SLIT3: variants seen among roughly 807,000 people sequenced by gnomAD.
The protein encoded by SLIT3 is slit homolog 3 protein.
In SLIT3, 68 loss-of-function variants were observed where a neutral mutation model predicts 184.0. That is an observed-to-expected ratio of 0.37 (90% confidence interval 0.30 to 0.45). SLIT3 has a LOEUF of 0.45. Among genes scored for constraint, SLIT3 ranks in the 20% least tolerant of loss-of-function variants. SLIT3 has a pLI of 1.00. For synonymous variants in SLIT3, 831 were observed against 828.6 expected, an observed-to-expected ratio of 1.00 and a Z score of -0.05; for missense variants, 1,707 against 2,026.0, an observed-to-expected ratio of 0.84 and a Z score of 3.02.
chr5:168,870,024 C>T (rs1011278948), intron 5 of SLIT3, among the ~76,000 whole-genome samples: 1 of 152,194 alleles, frequency 6.6e-6, no homozygotes, highest in African/African-American at 2.4e-5. Context: ...GCACGGCAGG[C>T]GCTATGCATA....
At chr5:168,791,883 A>T (rs1000561134) in intron 10 of SLIT3, 8 of 152,202 alleles carry the variant, frequency 5.3e-5, no homozygotes, top group African/African-American at 1.2e-4. Context: ...CATCTGTGTC[A>T]TCTTCATCTC....
chr5:168,766,367 A>G (rs1755346081), intron 14 of SLIT3, among the ~76,000 whole-genome samples: 1 of 152,256 alleles, frequency 6.6e-6, no homozygotes, highest in Admixed American at 6.5e-5. Flanking sequence ...AGTGATGTGA[A>G]TAAGCAAAGG....
At chr5:168,786,826 C>T (rs1163495058) in intron 11 of SLIT3, among the ~76,000 whole-genome samples, 1 of 152,150 alleles carries the variant, frequency 6.6e-6, no homozygotes, top group Non-Finnish European at 1.5e-5. Flanking sequence ...TCTCTGCTCC[C>T]AACCACAGCA....
chr5:169,091,856 C>T (rs970340373), intron 4 of SLIT3, among the ~76,000 whole-genome samples: 5 of 152,210 alleles, frequency 3.3e-5, no homozygotes, highest in Non-Finnish European at 5.9e-5. Context: ...CAAGGTCCTT[C>T]TGGAAATCAC....
At chr5:169,163,141 T>A (rs967098507) in intron 4 of SLIT3, among the ~76,000 whole-genome samples, 6 of 151,828 alleles carry the variant, frequency 4.0e-5, no homozygotes, top group Admixed American at 1.3e-4. Flanking sequence ...GCCAACATAG[T>A]GAAACCCCGC....
chr5:168,907,944 G>C (rs60710357), intron 4 of SLIT3, among the ~76,000 whole-genome samples: 4 of 53,112 alleles, frequency 7.5e-5, no homozygotes, highest in Non-Finnish European at 1.4e-4. Context: ...TATTATACGT[G>C]TATATATATA....
At chr5:168,764,862 C>T (rs1173712705) in intron 14 of SLIT3, among the ~76,000 whole-genome samples, 2 of 152,228 alleles carry the variant, frequency 1.3e-5, no homozygotes, top group Non-Finnish European at 2.9e-5. Context: ...GGCTTGCCAG[C>T]TTCGTCCCTT....
At chr5:168,768,121 T>C (rs2113523158) in intron 14 of SLIT3, 1 of 481,904 alleles carries the variant, frequency 2.1e-6, no homozygotes, top group Non-Finnish European at 4.3e-6. Context: ...TGTCCAGCGG[T>C]GGTGGCGGCG....
chr5:169,026,126 G>A (rs1756813575), intron 4 of SLIT3, among the ~76,000 whole-genome samples: 1 of 152,126 alleles, frequency 6.6e-6, no homozygotes, highest in Admixed American at 6.5e-5. Flanking sequence ...TGGGTGTGGT[G>A]ACTCCCTGGC....
Position 168,707,963 on chromosome 5 carries a change from G to A in SLIT3, c.2844+13C>T, listed in dbSNP as rs774740839. 2.5e-6 allele frequency: 4 copies of A among 1,614,008 alleles called. No homozygotes were observed. In the East Asian group the frequency reaches 8.9e-5, roughly 36 times the overall value. On this transcript the variant is annotated intron_variant, in intron 26 of 35. Coordinates refer to ENST00000519560, the MANE Select transcript of SLIT3 (RefSeq NM_003062.4). ...TGAGGCATGAACACGGGGGGGCAGGGCCTCCAGCATACCTTGTAGCTGTAG... is the reference window on the plus strand; with the variant it reads ...TGAGGCATGAACACGGGGGGGCAGGACCTCCAGCATACCTTGTAGCTGTAG...
At chr5:168,701,746 C>G (rs1325831720) in intron 26 of SLIT3, among the ~76,000 whole-genome samples, 1 of 152,226 alleles carries the variant, frequency 6.6e-6, no homozygotes, top group Admixed American at 6.5e-5. Context: ...GTGACTGCTG[C>G]ATCCTTTCTG....
At chr5:168,903,582 G>A (rs967696476) in intron 4 of SLIT3, among the ~76,000 whole-genome samples, 2 of 152,148 alleles carry the variant, frequency 1.3e-5, no homozygotes, top group Admixed American at 1.3e-4. Context: ...GGACACCTGT[G>A]GGGGCATGGA....
intron 3 of SLIT3, among the ~76,000 whole-genome samples, chr5:169,233,796 T>TC (rs1451204377): frequency 6.6e-6 from 1 of 152,178 alleles, no homozygotes; most frequent in Non-Finnish European, 1.5e-5. Context: ...TCTCTCTCCT[T>TC]CCCTCCCTTT....
chr5:169,048,075 C>T (rs924595882), intron 4 of SLIT3, among the ~76,000 whole-genome samples: 1 of 152,142 alleles, frequency 6.6e-6, no homozygotes, highest in African/African-American at 2.4e-5. Flanking sequence ...ACTAATTGCC[C>T]CCAAACCTCA....
intron 4 of SLIT3, among the ~76,000 whole-genome samples, chr5:169,098,793 G>A (rs917255982): frequency 6.6e-6 from 1 of 152,200 alleles, no homozygotes; most frequent in African/African-American, 2.4e-5. Context: ...GCAAGAAGCA[G>A]GATTCACATT....
At chr5:168,896,622 T>C (rs1458614934) in intron 4 of SLIT3, among the ~76,000 whole-genome samples, 1 of 152,214 alleles carries the variant, frequency 6.6e-6, no homozygotes, top group Non-Finnish European at 1.5e-5. Flanking sequence ...TCTCGTGGAA[T>C]CTACCACAAT....
chr5:169,039,272 C>T (rs1038068378), intron 4 of SLIT3, among the ~76,000 whole-genome samples: 5 of 150,720 alleles, frequency 3.3e-5, no homozygotes, highest in South Asian at 2.1e-4. Flanking sequence ...TTTCAGGCTT[C>T]GGCATAACCA....
chr5:168,924,894 G>A (rs62377194), intron 4 of SLIT3, among the ~76,000 whole-genome samples: 3,796 of 152,246 alleles, frequency 0.025, 62 homozygotes, highest in Middle Eastern at 0.051. Context: ...GGACTCTGCA[G>A]AGCAGAGCGG....
intron 12 of SLIT3, among the ~76,000 whole-genome samples, chr5:168,775,038 AT>A (rs34335250): frequency 0.086 from 11,708 of 135,472 alleles, 486 homozygotes; most frequent in African/African-American, 0.13. Flanking sequence ...CCACCACTGC[AT>A]TTTTTTTTTT....
Sources: allele counts gnomAD v4.1 joint callset (sites outside exome capture counted in the v4.1 genomes callset), GRCh38; gene constraint gnomAD v4.1.1; transcripts MANE v1.5; gene names NCBI Gene and HGNC (gene_info 2026-07-23, HGNC 2026-07-21).